PACRG: variants seen among roughly 807,000 people sequenced by gnomAD.
PACRG encodes the protein parkin coregulated gene protein.
Under a neutral mutation model 29.7 loss-of-function variants are expected in PACRG, and 29 were observed. The observed-to-expected ratio is 0.98, with a 90% CI of 0.73 to 1.33. The LOEUF (loss-of-function observed/expected upper bound fraction) is 1.33. Among genes scored for constraint, PACRG ranks in the 40% most tolerant of loss-of-function variants. The probability of loss-of-function intolerance (pLI) is 0.00; values close to 1 mark genes in which losing one functional copy is unlikely to be tolerated. For synonymous variants in PACRG, 116 were observed against 118.7 expected, an observed-to-expected ratio of 0.98 and a Z score of 0.15; for missense variants, 279 against 316.2, an observed-to-expected ratio of 0.88 and a Z score of 0.89.
intron 2 of PACRG, among the ~76,000 whole-genome samples, chr6:163,030,726 C>T (rs7747342): frequency 0.55 from 83,988 of 151,996 alleles, 25,659 homozygotes; most frequent in East Asian, 0.96. Flanking sequence ...AAGGGGTGGA[C>T]TATTCATGCC....
intron 2 of PACRG, 57 bp downstream of exon 2, chr6:162,814,338 A>G (rs1787144735): frequency 1.9e-6 from 3 of 1,589,404 alleles, no homozygotes; most frequent in Non-Finnish European, 2.6e-6. Context: ...ACATCTCCCA[A>G]TGCCAAACAC....
intron 1 of PACRG, among the ~76,000 whole-genome samples, chr6:162,752,119 TC>T (rs1172759503): frequency 1.3e-5 from 2 of 152,098 alleles, no homozygotes; most frequent in Non-Finnish European, 2.9e-5. Context: ...CGAAACAAGT[TC>T]CAAAAATTCA....
chr6:163,255,631 T>C (rs1163868871), intron 4 of PACRG, among the ~76,000 whole-genome samples: 2 of 144,336 alleles, frequency 1.4e-5, no homozygotes, highest in African/African-American at 4.9e-5. Context: ...CTTCTTCTTG[T>C]TCTTTTTTTT....
chr6:162,877,593 A>C (rs1195695599), intron 2 of PACRG, among the ~76,000 whole-genome samples: 1 of 146,970 alleles, frequency 6.8e-6, no homozygotes, highest in Admixed American at 6.8e-5. Context: ...ATAATAAAAA[A>C]AAGAAAAAAA....
intron 4 of PACRG, among the ~76,000 whole-genome samples, chr6:163,089,980 C>A (rs374034995): frequency 2.0e-4 from 31 of 152,130 alleles, no homozygotes; most frequent in East Asian, 7.7e-4. Context: ...GGATGTAAAT[C>A]TATTCATTAA....
At chr6:163,249,476 A>C (rs1782821476) in intron 4 of PACRG, among the ~76,000 whole-genome samples, 2 of 152,370 alleles carry the variant, frequency 1.3e-5, no homozygotes, top group South Asian at 4.1e-4. Flanking sequence ...TAAGTTATGA[A>C]TATGACTGAA....
intron 2 of PACRG, among the ~76,000 whole-genome samples, chr6:163,039,170 G>A (rs1247229368): frequency 6.6e-6 from 1 of 152,118 alleles, no homozygotes; most frequent in Non-Finnish European, 1.5e-5. Flanking sequence ...GTTTAAAAGT[G>A]GCAGTTTCCC....
chr6:163,159,295 A>G (rs138972889), intron 4 of PACRG, among the ~76,000 whole-genome samples: 3,591 of 148,368 alleles, frequency 0.024, 141 homozygotes, highest in East Asian at 0.1. Context: ...TTATTTATAT[A>G]TGTTATATAA....
chr6:162,929,654 G>C (rs1797703539), intron 2 of PACRG, among the ~76,000 whole-genome samples: 1 of 151,888 alleles, frequency 6.6e-6, no homozygotes, highest in Non-Finnish European at 1.5e-5. Context: ...TGCTTACCTA[G>C]ACTCATGTCC....
intron 1 of PACRG, among the ~76,000 whole-genome samples, chr6:162,731,702 A>C (rs1779783437): frequency 1.3e-5 from 2 of 152,178 alleles, no homozygotes; most frequent in African/African-American, 4.8e-5. Context: ...GATAAGGGAT[A>C]GTTCAACCTA....
chr6:162,989,722 C>CTTTTTTTTTTTTTTTTTTTTTT (rs66497763), intron 2 of PACRG, among the ~76,000 whole-genome samples: 1 of 142,044 alleles, frequency 7.0e-6, no homozygotes, highest in South Asian at 2.2e-4. Flanking sequence ...TCAGTACTTC[C>CTTTTTTTTTTTTTTTTTTTTTT]TTTTTTTTTT....
intron 4 of PACRG, 143 bp downstream of exon 4, chr6:163,089,551 C>T (rs539401180): frequency 1.4e-5 from 14 of 992,094 alleles, no homozygotes; most frequent in African/African-American, 6.6e-5. Flanking sequence ...CATATTCCCA[C>T]GCCTTCTCCA....
intron 2 of PACRG, among the ~76,000 whole-genome samples, chr6:162,920,669 C>T (rs1296586672): frequency 6.6e-6 from 1 of 152,138 alleles, no homozygotes; most frequent in Non-Finnish European, 1.5e-5. Context: ...AAAATTGTAG[C>T]TTGGCCTCCT....
At chr6:163,215,088 TC>T (rs1231693576) in intron 4 of PACRG, among the ~76,000 whole-genome samples, 1 of 152,148 alleles carries the variant, frequency 6.6e-6, no homozygotes, top group East Asian at 1.9e-4. Context: ...ACCCATGTAT[TC>T]AGGAAATAAA....
At chr6:163,249,776 C>T (rs944783780) in intron 4 of PACRG, among the ~76,000 whole-genome samples, 6 of 152,272 alleles carry the variant, frequency 3.9e-5, no homozygotes, top group African/African-American at 1.2e-4. Context: ...CCGTGGTGAC[C>T]GGCTTCTGGG....
chr6:162,875,167 A>G (rs1284077553), intron 2 of PACRG, among the ~76,000 whole-genome samples: 1 of 151,500 alleles, frequency 6.6e-6, no homozygotes, highest in Non-Finnish European at 1.5e-5. Context: ...AGATGCACAC[A>G]CAGACATTCA....
intron 2 of PACRG, chr6:163,054,165 G>A (rs1810311431): frequency 6.6e-6 from 1 of 152,226 alleles, no homozygotes. Context: ...TCATTATGTT[G>A]GGCAAATCCC....
chr6:162,868,956 T>C (rs959976835), intron 2 of PACRG, among the ~76,000 whole-genome samples: 2 of 152,198 alleles, frequency 1.3e-5, no homozygotes, highest in African/African-American at 4.8e-5. Flanking sequence ...TAAGTTAGAC[T>C]GGTAGGTACC....
intron 2 of PACRG, among the ~76,000 whole-genome samples, chr6:162,891,188 T>G (rs538456573): frequency 6.6e-6 from 1 of 152,346 alleles, no homozygotes; most frequent in East Asian, 1.9e-4. Flanking sequence ...CCAGCAGCAC[T>G]GCACTTTACA....
Sources: gnomAD v4.1 joint callset for allele counts (sites outside exome capture counted in the v4.1 genomes callset) on GRCh38, gnomAD v4.1.1 for gene constraint, MANE v1.5 for transcripts, NCBI Gene and HGNC (gene_info 2026-07-23, HGNC 2026-07-21) for gene names.